EHHADH: variants seen among roughly 807,000 people sequenced by gnomAD.
EHHADH encodes the protein enoyl-CoA hydratase and 3-hydroxyacyl CoA dehydrogenase.
EHHADH carries 48 observed loss-of-function variants against 64.4 expected under a neutral mutation model. The observed-to-expected ratio is 0.75, with a 90% CI of 0.59 to 0.95. EHHADH has a LOEUF of 0.95. EHHADH is among the 40% of genes least tolerant of loss of function. The probability of loss-of-function intolerance (pLI) is 0.00; values close to 1 mark genes in which losing one functional copy is unlikely to be tolerated. For missense variants in EHHADH, 854 were observed against 876.6 expected, an observed-to-expected ratio of 0.97 and a Z score of 0.33; for synonymous variants, 308 against 326.7, an observed-to-expected ratio of 0.94 and a Z score of 0.62.
chr3:185,249,205 T>C (rs1025544336), intron 1 of EHHADH, among the ~76,000 whole-genome samples: 1 of 152,112 alleles, frequency 6.6e-6, no homozygotes, highest in African/African-American at 2.4e-5. Context: ...CTGGGCTCAC[T>C]GCAAGCTCTG....
At chr3:185,205,992 C>T (rs1265429763) in intron 5 of EHHADH, among the ~76,000 whole-genome samples, 1 of 151,992 alleles carries the variant, frequency 6.6e-6, no homozygotes. Flanking sequence ...CAACTATAAC[C>T]TACTTCCACC....
rs759208741 is a variant in EHHADH, at chr3:185,193,101, A to G, written c.1297T>C (p.Phe433Leu). ...TTCATGACATGAGCTGGCGAAAAGA[A>G]GTGGGTGCCAATGACCAAGTGAGGA... ...DRPHLVIGTH[F>L]FSPAHVMKLL... The change falls in exon 7 of 7, where the codon TTC (phenylalanine) becomes CTC (leucine). Residue 433 changes from phenylalanine to leucine, a missense_variant. Coordinates refer to ENST00000231887, the MANE Select transcript of EHHADH (RefSeq NM_001966.4). The G allele has an allele frequency of 6.2e-7, 1 of 1,613,700 alleles. No individual in the cohort carries two copies.
chr3:185,205,640 A>T lies in EHHADH; in HGVS notation c.569-883T>A, dbSNP rs574578201. ...AACAAAGAATCGGAGCAACATTAAC[A>T]ACAGAAAATCCATATGGAAATATTC... On this transcript the variant is annotated intron_variant, in intron 5 of 6. Coordinates refer to ENST00000231887, the MANE Select transcript of EHHADH (RefSeq NM_001966.4). Among the ~76,000 whole-genome samples, 65 of 152,300 alleles carry T rather than the reference A, an allele frequency of 4.3e-4. 2 individuals are homozygous for T. The Middle Eastern group carries it at 0.014, about 32-fold the overall frequency.
intron 4 of EHHADH, among the ~76,000 whole-genome samples, chr3:185,219,943 G>C (rs759599453): frequency 6.6e-6 from 1 of 152,154 alleles, no homozygotes; most frequent in Non-Finnish European, 1.5e-5. Context: ...CTGAAAACAG[G>C]CTTTCAGATC....
intron 1 of EHHADH, among the ~76,000 whole-genome samples, chr3:185,252,449 A>C (rs189035176): frequency 6.6e-6 from 1 of 152,106 alleles, no homozygotes; most frequent in African/African-American, 2.4e-5. Context: ...AACAGTTGTC[A>C]GAAAATATTC....
intron 3 of EHHADH, among the ~76,000 whole-genome samples, chr3:185,233,556 G>A (rs1719198206): frequency 6.6e-6 from 1 of 152,030 alleles, no homozygotes; most frequent in African/African-American, 2.4e-5. Context: ...ACAGAGATTG[G>A]CAGAATAAAG....
intron 6 of EHHADH, among the ~76,000 whole-genome samples, chr3:185,201,540 G>A (rs1365631399): frequency 6.6e-6 from 1 of 152,120 alleles, no homozygotes; most frequent in African/African-American, 2.4e-5. Context: ...TCAGTCAGGA[G>A]GCAGAGGAGT....
chr3:185,197,727 G>T (rs1718103188), intron 6 of EHHADH, among the ~76,000 whole-genome samples: 1 of 152,152 alleles, frequency 6.6e-6, no homozygotes, highest in South Asian at 2.1e-4. Context: ...TGTACTGTTA[G>T]GCGATTGTGA....
intron 5 of EHHADH, among the ~76,000 whole-genome samples, chr3:185,214,792 T>C (rs1718639358): frequency 6.6e-6 from 1 of 152,210 alleles, no homozygotes; most frequent in Admixed American, 6.5e-5. Context: ...GATTATCGTT[T>C]TTACATAATT....
intron 1 of EHHADH, 39 bp downstream of exon 1, chr3:185,253,910 C>A (rs761508784): frequency 6.2e-7 from 1 of 1,611,524 alleles, no homozygotes; most frequent in South Asian, 1.1e-5. Flanking sequence ...CGGCTAAGGC[C>A]CGCACGGTCC....
intron 6 of EHHADH, among the ~76,000 whole-genome samples, chr3:185,199,339 G>T (rs1702740038): frequency 6.6e-6 from 1 of 152,182 alleles, no homozygotes; most frequent in African/African-American, 2.4e-5. Flanking sequence ...TAGATCCCTT[G>T]CATCCTGTTA....
intron 6 of EHHADH, among the ~76,000 whole-genome samples, chr3:185,194,909 T>C (rs901459469): frequency 2.7e-5 from 4 of 148,288 alleles, no homozygotes; most frequent in Admixed American, 6.8e-5. Context: ...ATAGAACTGA[T>C]AGCCAAAAGC....
chr3:185,250,784 T>C (rs1388417276), intron 1 of EHHADH, among the ~76,000 whole-genome samples: 2 of 152,182 alleles, frequency 1.3e-5, no homozygotes, highest in Non-Finnish European at 2.9e-5. Context: ...CTTCAGCTGG[T>C]TAATTAGAAG....
chr3:185,205,596 T>A (rs898017130), intron 5 of EHHADH, among the ~76,000 whole-genome samples: 2 of 152,110 alleles, frequency 1.3e-5, no homozygotes, highest in African/African-American at 4.8e-5. Context: ...TTTTTTCACA[T>A]TCAGAATTTT....
At chr3:185,206,123 C>T (rs1224415645) in intron 5 of EHHADH, among the ~76,000 whole-genome samples, 2 of 152,072 alleles carry the variant, frequency 1.3e-5, no homozygotes, top group African/African-American at 4.8e-5. Context: ...GGGCACTCAG[C>T]GAAGGACCAC....
At chr3:185,228,257 A>AAAAAAAAAATAT (rs1367786172) in intron 4 of EHHADH, among the ~76,000 whole-genome samples, 7 of 22,000 alleles carry the variant, frequency 3.2e-4, no homozygotes, top group Non-Finnish European at 5.3e-4. Flanking sequence ...AAAAAAAAAA[A>AAAAAAAAAATAT]ATATATATAT....
At chr3:185,247,617 T>C (rs559439607) in intron 2 of EHHADH, among the ~76,000 whole-genome samples, 2 of 152,288 alleles carry the variant, frequency 1.3e-5, no homozygotes, top group African/African-American at 2.4e-5. Context: ...GGTAATATTA[T>C]AATGATTCAC....
chr3:185,200,114 G>A (rs1718184246), intron 6 of EHHADH, among the ~76,000 whole-genome samples: 2 of 152,184 alleles, frequency 1.3e-5, no homozygotes, highest in Admixed American at 6.5e-5. Flanking sequence ...CACTTATTGT[G>A]TTAAGCTACT....
chr3:185,191,057 C>T lies in EHHADH; in HGVS notation c.*1169G>A, dbSNP rs542272319. 1 of 152,232 alleles carries T rather than the reference C, an allele frequency of 6.6e-6. No individual in the cohort carries two copies. Among genetic ancestry groups the T allele is most frequent in the South Asian group, 2.1e-4 (1 of 4,824 alleles). 9.4% of individuals were successfully genotyped at this position (152,232 alleles called of 1,614,324 possible). A position where few individuals can be genotyped will look rare whatever the true frequency, so the allele number is the denominator to read the frequency against. ...CATGAACCATAAAGAAATCCTGTAC[C>T]CATTAGATGAATCCTGTACTCCCCA... On this transcript the variant is annotated 3_prime_UTR_variant, in exon 7 of 7. Transcript: ENST00000231887.
Sources: gnomAD v4.1 joint callset for allele counts (sites outside exome capture counted in the v4.1 genomes callset) on GRCh38, gnomAD v4.1.1 for gene constraint, MANE v1.5 for transcripts, NCBI Gene and HGNC (gene_info 2026-07-23, HGNC 2026-07-21) for gene names.